PAM: variants seen among roughly 807,000 people sequenced by gnomAD.
PAM encodes peptidylglycine alpha-amidating monooxygenase, also known as peptidyl-glycine alpha-amidating monooxygenase.
A neutral mutation model predicts 122.1 loss-of-function variants in PAM; 72 were observed. The observed-to-expected ratio is 0.59, with a 90% CI of 0.49 to 0.72. The LOEUF (loss-of-function observed/expected upper bound fraction) is 0.72. Among genes scored for constraint, PAM ranks in the 30% least tolerant of loss-of-function variants. The probability of loss-of-function intolerance (pLI) is 0.00; values close to 1 mark genes in which losing one functional copy is unlikely to be tolerated. For missense variants in PAM, 1,106 were observed against 1,183.7 expected, an observed-to-expected ratio of 0.93 and a Z score of 0.96; for synonymous variants, 389 against 404.4, an observed-to-expected ratio of 0.96 and a Z score of 0.46.
intron 1 of PAM, among the ~76,000 whole-genome samples, chr5:102,788,064 A>C (rs771860616): frequency 2.0e-5 from 3 of 152,094 alleles, no homozygotes; most frequent in Non-Finnish European, 4.4e-5. Context: ...GTTCACTTGC[A>C]CTCACACAGC....
chr5:102,794,207 G>A lies in PAM; in HGVS notation c.-374+38859G>A, dbSNP rs75424163. ...TCTTGGGAGTTCAGCATAATGCTGT[G>A]CGGATCAGGATAACAAGGTCCCACT... On this transcript the variant is annotated intron_variant, in intron 1 of 25. Coordinates refer to ENST00000438793, the MANE Select transcript of PAM (RefSeq NM_001177306.2). Among the ~76,000 whole-genome samples, 1,408 of 152,270 alleles carry A rather than the reference G, an allele frequency of 9.2e-3. 24 individuals carry two copies. The highest frequency in any genetic ancestry group is 0.031 in the African/African-American group (1,294 of 41,538).
chr5:102,841,703 A>G (rs1778685925), intron 1 of PAM, among the ~76,000 whole-genome samples: 1 of 152,070 alleles, frequency 6.6e-6, no homozygotes, highest in African/African-American at 2.4e-5. Flanking sequence ...GTCATAATCA[A>G]AATCTCACTA....
At chr5:102,936,614 A>G (rs1581893615) in intron 7 of PAM, among the ~76,000 whole-genome samples, 2 of 152,186 alleles carry the variant, frequency 1.3e-5, no homozygotes, top group African/African-American at 4.8e-5. Flanking sequence ...AAAGTCAAGG[A>G]AAGAATTATG....
chr5:102,994,864 T>C (rs1775193027), intron 16 of PAM, among the ~76,000 whole-genome samples: 1 of 152,156 alleles, frequency 6.6e-6, no homozygotes, highest in African/African-American at 2.4e-5. Context: ...TAAGCATGCC[T>C]TTTATATCTT....
In PAM at chr5:102,866,131, C is replaced by CCGCCAG; in HGVS notation, c.-63_-58dup. 1 of 1,170,258 alleles carries CCGCCAG rather than the reference C, an allele frequency of 8.5e-7. No individual in the cohort carries two copies. The highest frequency in any genetic ancestry group is 1.2e-6 in the Non-Finnish European group (1 of 803,604). 72.5% of individuals were successfully genotyped at this position (1,170,258 alleles called of 1,614,324 possible). ...GGCTGCTGGCGGCGCCGCTGCCCAA[C>CCGCCAG]CGCCAGCCCCAGCCCCGCGCTGCGC... is the stretch of plus-strand genomic sequence containing the variant. On this transcript the variant is annotated 5_prime_UTR_variant, in exon 2 of 26. Transcript: ENST00000438793.
At chr5:103,001,487 G>A (rs1777363428) in intron 16 of PAM, among the ~76,000 whole-genome samples, 3 of 151,992 alleles carry the variant, frequency 2.0e-5, no homozygotes, top group Admixed American at 2.0e-4. Flanking sequence ...ATACCACTGT[G>A]TGGTTTTTAA....
chr5:102,814,747 A>G lies in PAM; in HGVS notation c.-373-51076A>G, dbSNP rs116303715. On this transcript the variant is annotated intron_variant, in intron 1 of 25. Coordinates refer to ENST00000438793, the MANE Select transcript of PAM (RefSeq NM_001177306.2). ...TTATTTGCATTCAGTGAAAGAGTAT[A>G]TTTTTCTTAAAATTCTAAATTGATG... 6.9e-3 allele frequency among the ~76,000 whole-genome samples: 1,052 copies of G among 151,956 alleles called. 9 individuals carry two copies. The highest frequency in any genetic ancestry group is 0.013 in the Non-Finnish European group (879 of 67,944).
chr5:102,992,978 T>A (rs974149000), intron 16 of PAM, among the ~76,000 whole-genome samples: 2 of 152,120 alleles, frequency 1.3e-5, no homozygotes, highest in Non-Finnish European at 2.9e-5. Flanking sequence ...TTTAATATCA[T>A]TGCATCAGCT....
chr5:102,956,417 G>A (rs1362884123), intron 12 of PAM, among the ~76,000 whole-genome samples: 1 of 151,972 alleles, frequency 6.6e-6, no homozygotes, highest in Middle Eastern at 3.2e-3. Context: ...TGCGACCTTA[G>A]CTTATGTTTT....
intron 24 of PAM, among the ~76,000 whole-genome samples, chr5:103,027,703 T>C (rs1172678027): frequency 1.3e-5 from 2 of 152,214 alleles, no homozygotes; most frequent in Non-Finnish European, 2.9e-5. Context: ...AGATACGTAC[T>C]GTCAGTAGAA....
chr5:102,875,855 C>T lies in PAM; in HGVS notation c.210+8462C>T, dbSNP rs147462809. ...AGCCCACAGGCTGAAGTTTCCCAGT[C>T]GCTGATAGAAACAATTGAATATGCC... is the stretch of plus-strand genomic sequence containing the variant. On this transcript the variant is annotated intron_variant, in intron 3 of 25. Transcript: ENST00000438793. Among the ~76,000 whole-genome samples, 702 of 152,274 alleles carry T rather than the reference C, an allele frequency of 4.6e-3. 10 individuals are homozygous for T. The highest frequency in any genetic ancestry group is 0.016 in the African/African-American group (652 of 41,556).
At chr5:102,908,551 A>C (rs1267983621) in intron 4 of PAM, among the ~76,000 whole-genome samples, 2 of 121,864 alleles carry the variant, frequency 1.6e-5, no homozygotes, top group Non-Finnish European at 1.6e-5. Flanking sequence ...GGAACATCAC[A>C]CTCTCAGGAC....
At chr5:102,869,647 A>G (rs1444365249) in intron 3 of PAM, among the ~76,000 whole-genome samples, 1 of 152,168 alleles carries the variant, frequency 6.6e-6, no homozygotes, top group African/African-American at 2.4e-5. Flanking sequence ...GTAAACTTTT[A>G]TGAGAAATGG....
chr5:102,881,772 A>AG (rs1791186008), intron 3 of PAM, among the ~76,000 whole-genome samples: 3 of 149,942 alleles, frequency 2.0e-5, no homozygotes, highest in Non-Finnish European at 3.0e-5. Context: ...GTGATTTCTG[A>AG]GACTTACCTG....
Position 102,787,020 on chromosome 5 carries a change from A to T in PAM, c.-374+31672A>T, listed in dbSNP as rs146299705. Among the ~76,000 whole-genome samples, 531 of 152,290 alleles carry T rather than the reference A, an allele frequency of 3.5e-3. 8 individuals carry two copies. Among genetic ancestry groups the T allele is most frequent in the East Asian group, 0.032 (164 of 5,178 alleles). ...AAAAAATCTTACTCTCCCATCTGAG[A>T]TTTGTAAATTAAGGCTGTTCATTAC... On this transcript the variant is annotated intron_variant, in intron 1 of 25. Coordinates refer to ENST00000438793, the MANE Select transcript of PAM (RefSeq NM_001177306.2).
intron 3 of PAM, among the ~76,000 whole-genome samples, chr5:102,882,993 GTTTTTTTTTGCT>G (rs1328396572): frequency 2.0e-5 from 3 of 149,794 alleles, no homozygotes; most frequent in Non-Finnish European, 4.5e-5. Flanking sequence ...CCCACTTTAT[GTTTTTTTTTGCT>G]TTGTCGAAGA....
At chr5:102,853,499 GA>G (rs1198753685) in intron 1 of PAM, among the ~76,000 whole-genome samples, 2 of 152,148 alleles carry the variant, frequency 1.3e-5, no homozygotes, top group Non-Finnish European at 2.9e-5. Flanking sequence ...TGTAAATTTA[GA>G]AAAATAAAAG....
At chr5:102,848,755 CAA>C (rs1283032192) in intron 1 of PAM, among the ~76,000 whole-genome samples, 1 of 152,028 alleles carries the variant, frequency 6.6e-6, no homozygotes, top group African/African-American at 2.4e-5. Flanking sequence ...AGGATAAAAA[CAA>C]AGAGACAGTG....
intron 3 of PAM, among the ~76,000 whole-genome samples, chr5:102,869,146 C>G (rs1421064148): frequency 6.6e-6 from 1 of 152,224 alleles, no homozygotes; most frequent in Admixed American, 6.5e-5. Context: ...TACCCAGACT[C>G]CAGAGATGGA....
Sources: gnomAD v4.1 joint callset for allele counts (sites outside exome capture counted in the v4.1 genomes callset) on GRCh38, gnomAD v4.1.1 for gene constraint, MANE v1.5 for transcripts, NCBI Gene and HGNC (gene_info 2026-07-23, HGNC 2026-07-21) for gene names.